The following GRK5 variants were observed in gnomAD, a reference collection of about 807,000 sequenced individuals.
The protein encoded by GRK5 is G protein-coupled receptor kinase 5.
Under a neutral mutation model 78.4 loss-of-function variants are expected in GRK5, and 40 were observed. The observed-to-expected ratio is 0.51, with a 90% CI of 0.40 to 0.66. The LOEUF (loss-of-function observed/expected upper bound fraction) is 0.66, where lower values mean the gene tolerates loss of function less well. Ranked by LOEUF, GRK5 falls within the 30% of genes least tolerant of loss-of-function variation. The pLI, the probability that GRK5 is intolerant of heterozygous loss-of-function variation, is 0.00. For synonymous variants in GRK5, 289 were observed against 296.8 expected (o/e 0.97, Z 0.27); for missense variants, 598 against 759.9 (o/e 0.79, Z 2.50).
At chr10:119,387,852 T>C (rs927976325) in intron 3 of GRK5, among the ~76,000 whole-genome samples, 2 of 152,192 alleles carry the variant, frequency 1.3e-5, no homozygotes, top group African/African-American at 2.4e-5. Flanking sequence ...TGTGCCAGGC[T>C]CTGTTCTAGC....
At chr10:119,400,603 G>C (rs978146951) in intron 4 of GRK5, among the ~76,000 whole-genome samples, 2 of 152,164 alleles carry the variant, frequency 1.3e-5, no homozygotes, top group Non-Finnish European at 2.9e-5. Context: ...AGGATGGGCA[G>C]TGCTGTGGGG....
chr10:119,303,482 G>C (rs1023977150), intron 1 of GRK5, among the ~76,000 whole-genome samples: 5 of 152,152 alleles, frequency 3.3e-5, no homozygotes, highest in Non-Finnish European at 7.4e-5. Flanking sequence ...AGCATGAGCC[G>C]CAAGGGTCTC....
intron 1 of GRK5, among the ~76,000 whole-genome samples, chr10:119,288,331 A>C (rs1311223498): frequency 6.6e-6 from 1 of 152,126 alleles, no homozygotes; most frequent in East Asian, 1.9e-4. Flanking sequence ...GGCTCCAAGC[A>C]CCCGAACATA....
intron 15 of GRK5, among the ~76,000 whole-genome samples, chr10:119,454,021 G>A (rs1425043404): frequency 6.6e-6 from 1 of 152,066 alleles, no homozygotes; most frequent in Non-Finnish European, 1.5e-5. Flanking sequence ...GGAAGCTGTG[G>A]CCCAGTGTGC....
intron 1 of GRK5, among the ~76,000 whole-genome samples, chr10:119,311,608 A>T (rs1225772424): frequency 1.3e-5 from 2 of 152,242 alleles, no homozygotes; most frequent in East Asian, 3.9e-4. Context: ...CAACATGGCA[A>T]AACCCCATCT....
rs539814123 is a variant in GRK5, at chr10:119,294,629, G to C, written c.53-31887G>C. 2.6e-3 allele frequency among the ~76,000 whole-genome samples: 400 copies of C among 152,284 alleles called. 1 individual carries two copies. The highest frequency in any genetic ancestry group is 3.6e-3 in the Non-Finnish European group (246 of 68,030). On this transcript the variant is annotated intron_variant, in intron 1 of 15. Coordinates refer to ENST00000392870, the MANE Select transcript of GRK5 (RefSeq NM_005308.3). ...CTGTGTGGCCAGGGTCATTGCTCAG[G>C]TTCGCAGGGCTAAGGAGGAGGGAGG...
intron 2 of GRK5, among the ~76,000 whole-genome samples, chr10:119,340,797 C>T (rs1361339142): frequency 1.3e-5 from 2 of 152,208 alleles, no homozygotes; most frequent in African/African-American, 2.4e-5. Flanking sequence ...CTCAGTATTC[C>T]TCACCTTAGC....
rs576434636 is a variant in GRK5, at chr10:119,453,835, G to A, written c.1674+559G>A. On this transcript the variant is annotated intron_variant, in intron 15 of 15. Transcript: ENST00000392870. The stretch of plus-strand genomic sequence containing the variant: ...GCTCCTGGGATGGCCCCCATCCAAT[G>A]CTGTGCCCTCTAGCTGGCAGCCAGA... 4.6e-5 allele frequency among the ~76,000 whole-genome samples: 7 copies of A among 152,340 alleles called. 1 individual carries two copies. Among genetic ancestry groups the A allele is most frequent in the Middle Eastern group, 3.4e-3 (1 of 294 alleles).
At chr10:119,410,945 C>A (rs575871068) in intron 4 of GRK5, among the ~76,000 whole-genome samples, 73 of 150,912 alleles carry the variant, frequency 4.8e-4, no homozygotes, top group South Asian at 3.8e-3. Context: ...AGCCTGCAGT[C>A]CTTGCTGACC....
At position 119,440,610 on chromosome 10, in the gene GRK5, G is replaced by A. The variant is rs1197128919; in HGVS notation, c.967+842G>A. Among the ~76,000 whole-genome samples, 3 of 151,062 alleles carry A rather than the reference G, an allele frequency of 2.0e-5. No homozygotes were observed. The East Asian group carries it at 5.8e-4, about 29-fold the overall frequency. Reference sequence around the variant, plus strand: ...TTGTTGCCCAGGCTGGAGTGCAGTGGTGCAATCTCAACTCAGTGCAACCTC... The same window carrying A: ...TTGTTGCCCAGGCTGGAGTGCAGTGATGCAATCTCAACTCAGTGCAACCTC... On this transcript the variant is annotated intron_variant, in intron 10 of 15. Coordinates refer to ENST00000392870, the MANE Select transcript of GRK5 (RefSeq NM_005308.3).
intron 1 of GRK5, among the ~76,000 whole-genome samples, chr10:119,321,311 C>T (rs946172857): frequency 2.8e-4 from 42 of 152,204 alleles, no homozygotes; most frequent in African/African-American, 8.7e-4. Flanking sequence ...TAACAGATTG[C>T]CACAAGCTAA....
rs926193228 is a variant in GRK5, at chr10:119,379,028, G to T, written c.149-1787G>T. ...TGCCTGTCTCCGTAGCATGGGAGGC[G>T]TCAGCTCCCCTTTTAGATTCAGAGG... On this transcript the variant is annotated intron_variant, in intron 2 of 15. Transcript: ENST00000392870. The surrounding 1 kb of genome is among the most constrained non-coding windows in gnomAD (Gnocchi z 4.1). Among the ~76,000 whole-genome samples, 2 of 152,222 alleles carry T rather than the reference G, an allele frequency of 1.3e-5. No individual in the cohort carries two copies. The highest frequency in any genetic ancestry group is 2.9e-5 in the Non-Finnish European group (2 of 68,044).
intron 1 of GRK5, among the ~76,000 whole-genome samples, chr10:119,270,949 A>G (rs1393589279): frequency 6.6e-6 from 1 of 152,274 alleles, no homozygotes; most frequent in Non-Finnish European, 1.5e-5. Context: ...CAAATGTGGA[A>G]TTTGAACTCT....
At chr10:119,444,197 G>A (rs1436817455) in intron 12 of GRK5, among the ~76,000 whole-genome samples, 2 of 152,244 alleles carry the variant, frequency 1.3e-5, no homozygotes, top group African/African-American at 4.8e-5. Flanking sequence ...GGGTGGGGGC[G>A]ACGATTTCAG....
intron 2 of GRK5, among the ~76,000 whole-genome samples, chr10:119,373,923 G>A (rs149798556): frequency 3.9e-5 from 6 of 152,330 alleles, no homozygotes; most frequent in Non-Finnish European, 5.9e-5. Flanking sequence ...GAGCTGAATC[G>A]TTGTGAAAGA....
At chr10:119,319,673 C>T (rs536978958) in intron 1 of GRK5, among the ~76,000 whole-genome samples, 55 of 152,340 alleles carry the variant, frequency 3.6e-4, no homozygotes, top group East Asian at 1.9e-3. Context: ...CAAATAAAGC[C>T]GGAGGCTCCT....
intron 1 of GRK5, among the ~76,000 whole-genome samples, chr10:119,316,214 A>G (rs1350149847): frequency 6.6e-6 from 1 of 152,194 alleles, no homozygotes; most frequent in East Asian, 1.9e-4. Flanking sequence ...TCTCCATACA[A>G]GGACCAGACC....
At chr10:119,347,244 T>C (rs534300065) in intron 2 of GRK5, among the ~76,000 whole-genome samples, 1 of 152,222 alleles carries the variant, frequency 6.6e-6, no homozygotes, top group South Asian at 2.1e-4. Flanking sequence ...TGTGTGTGTG[T>C]GCACATGCAA....
chr10:119,241,062 G>A lies in GRK5; in HGVS notation c.52+33093G>A, dbSNP rs566792279. Among the ~76,000 whole-genome samples the A allele has an allele frequency of 2.0e-5, 3 of 152,300 alleles. No homozygotes were observed. In the South Asian group the frequency reaches 6.2e-4, roughly 32 times the overall value. On this transcript the variant is annotated intron_variant, in intron 1 of 15. Transcript: ENST00000392870. ...GTTCTCTCCTTAACCGTGGACTATT[G>A]CAAAGGGTGGAGATCGGAGACTGGA...
Sources: gnomAD v4.1 joint callset for allele counts (sites outside exome capture counted in the v4.1 genomes callset) on GRCh38, gnomAD v4.1.1 for gene constraint, Gnocchi (gnomAD v3.1) non-coding constraint, MANE v1.5 for transcripts, NCBI Gene and HGNC (gene_info 2026-07-23, HGNC 2026-07-21) for gene names.